Variants in SLC4A4 observed in about 807,000 individuals in gnomAD.
SLC4A4 encodes electrogenic sodium bicarbonate cotransporter 1.
Under a neutral mutation model 111.5 loss-of-function variants are expected in SLC4A4, and 27 were observed. The observed-to-expected ratio is 0.24, with a 90% confidence interval of 0.18 to 0.33. The LOEUF is 0.33. SLC4A4 is among the 10% of genes least tolerant of loss of function. SLC4A4 has a pLI of 1.00. For missense variants in SLC4A4, 909 were observed against 1,315.5 expected (o/e 0.69, Z 4.78); for synonymous variants, 443 against 463.4 (o/e 0.96, Z 0.57).
chr4:71,221,079 A>G (rs1023932646), intron 1 of SLC4A4, among the ~76,000 whole-genome samples: 27 of 152,206 alleles, frequency 1.8e-4, no homozygotes, highest in Non-Finnish European at 4.4e-5. Flanking sequence ...ATAGCATTCC[A>G]TGGTATATTG....
Position 71,370,651 on chromosome 4 carries a change from A to G in SLC4A4, c.730+13464A>G, listed in dbSNP as rs192121064. Among the ~76,000 whole-genome samples the G allele has an allele frequency of 9.8e-5, 15 of 152,346 alleles. No homozygotes were observed. The East Asian group carries it at 2.1e-3, about 22-fold the overall frequency. Reference sequence around the variant, plus strand: ...TGTGAGAATTAAATTAGAAATATCTAAAGTATCTAGTGTAGTGCTCAGCAC... The same window carrying G: ...TGTGAGAATTAAATTAGAAATATCTGAAGTATCTAGTGTAGTGCTCAGCAC... On this transcript the variant is annotated intron_variant, in intron 6 of 25. Coordinates refer to ENST00000264485, the MANE Select transcript of SLC4A4 (RefSeq NM_001098484.3).
At chr4:71,551,434 T>C (rs1735985394) in intron 20 of SLC4A4, among the ~76,000 whole-genome samples, 1 of 151,878 alleles carries the variant, frequency 6.6e-6, no homozygotes, top group Non-Finnish European at 1.5e-5. Context: ...ATGATAGTAG[T>C]AGCTACCATT....
rs1046610522 is a variant in SLC4A4, at chr4:71,147,124, G to T, written c.-2+54332G>T. 3.9e-5 allele frequency among the ~76,000 whole-genome samples: 6 copies of T among 152,056 alleles called. 1 individual carries two copies. The highest frequency in any genetic ancestry group is 2.6e-4 in the Admixed American group (4 of 15,258). On this transcript the variant is annotated intron_variant, in intron 2 of 26. Coordinates refer to the SLC4A4 transcript ENST00000649996. ...ATAAAACAGACTTTAAACCAAGAAA[G>T]ATCAAAAGAGACAAAGAAGGCCATT...
rs148889712 is a variant in SLC4A4, at chr4:71,532,138, T to C, written c.2243T>C (p.Val748Ala). 1.6e-4 allele frequency: 257 copies of C among 1,612,536 alleles called. 1 individual carries two copies. Among genetic ancestry groups the C allele is most frequent in the Admixed American group, 6.7e-5 (4 of 59,914 alleles). The change falls in exon 17 of 26, where the codon GTG (valine) becomes GCG (alanine). Residue 748 changes from valine (V) to alanine (A), a missense_variant. Physicochemically the swap from Val to Ala is moderately conservative, Grantham distance 64. Coordinates refer to ENST00000264485, the MANE Select transcript of SLC4A4 (RefSeq NM_001098484.3). ...TGTGTAATAGATGCCCTAGTAGGCG[T>C]GGACACCCCAAAACTAATTGTGCCA... ...IFCVIDALVGVDTPKLIVPSE... is the reference protein window; with the variant it reads ...IFCVIDALVGADTPKLIVPSE...
intron 2 of SLC4A4, among the ~76,000 whole-genome samples, chr4:71,131,978 A>G (rs756220563): frequency 5.9e-5 from 9 of 152,138 alleles, no homozygotes; most frequent in Non-Finnish European, 1.0e-4. Context: ...CTCTGAATCT[A>G]CTGGCACTGC....
intron 16 of SLC4A4, among the ~76,000 whole-genome samples, chr4:71,516,354 C>T (rs1732397663): frequency 6.6e-6 from 1 of 152,060 alleles, no homozygotes. Flanking sequence ...GCCTTGGCCT[C>T]CCAAAGTGCT....
intron 2 of SLC4A4, among the ~76,000 whole-genome samples, chr4:71,143,056 T>A (rs1236864925): frequency 2.6e-5 from 4 of 152,092 alleles, no homozygotes; most frequent in Non-Finnish European, 4.4e-5. Flanking sequence ...CAGTAACTCG[T>A]CATTTAGCAT....
intron 7 of SLC4A4, among the ~76,000 whole-genome samples, chr4:71,427,925 G>T (rs1438226132): frequency 3.9e-5 from 6 of 152,154 alleles, no homozygotes; most frequent in Non-Finnish European, 5.9e-5. Context: ...CATAGATGAA[G>T]ATGTCAAGTC....
At chr4:71,450,109 C>T (rs1451530272) in intron 9 of SLC4A4, among the ~76,000 whole-genome samples, 1 of 152,072 alleles carries the variant, frequency 6.6e-6, no homozygotes, top group African/African-American at 2.4e-5. Context: ...GTGGTACATA[C>T]CAGTGGGAGC....
chr4:71,570,176 CTG>C lies in SLC4A4; in HGVS notation c.*2428_*2429del, dbSNP rs1737834451. The C allele has an allele frequency of 6.7e-6, 1 of 148,482 alleles. No homozygotes were observed. The highest frequency in any genetic ancestry group is 2.5e-5 in the African/African-American group (1 of 40,566). The allele number at this position is 148,482 out of a possible 1,614,324, so 9.2% of individuals were successfully genotyped here. On this transcript the variant is annotated 3_prime_UTR_variant, in exon 26 of 26. Coordinates refer to ENST00000264485, the MANE Select transcript of SLC4A4 (RefSeq NM_001098484.3). ...TCTTTTCTGATCATGAATCAAGTAT[CTG>C]TGGTTTCATGCCCCTCTCTATACCT...
intron 4 of SLC4A4, among the ~76,000 whole-genome samples, chr4:71,348,617 G>C (rs985860933): frequency 2.6e-4 from 39 of 152,180 alleles, no homozygotes; most frequent in African/African-American, 8.2e-4. Context: ...AGAGGCACAT[G>C]GAGGGGAAAG....
rs1034462688 is a variant in SLC4A4 at position 71,078,699 on chromosome 4, T to G, written c.-64-14031T>G. Reference sequence around the variant, plus strand: ...ATTCTAGCTCCCGTAGAACCCCATCTGAGTGCTAGGAAGGGCTCGGTCGTA... The same window carrying G: ...ATTCTAGCTCCCGTAGAACCCCATCGGAGTGCTAGGAAGGGCTCGGTCGTA... On this transcript the variant is annotated intron_variant, in intron 1 of 26. Transcript: ENST00000649996. 2.0e-5 allele frequency among the ~76,000 whole-genome samples: 3 copies of G among 152,358 alleles called. No individual in the cohort carries two copies. The East Asian group carries it at 5.8e-4, about 29-fold the overall frequency.
chr4:71,493,539 T>C (rs938672404), intron 15 of SLC4A4, among the ~76,000 whole-genome samples: 1 of 151,988 alleles, frequency 6.6e-6, no homozygotes, highest in African/African-American at 2.4e-5. Context: ...TTTTTCCTTA[T>C]TGATGCACAG....
chr4:71,350,079 A>T lies in SLC4A4; in HGVS notation c.550+7A>T, dbSNP rs370569246. ...TCTCTCCCACAGTTGGTGGGTAAGT[A>T]TGCTGTTTGAATTTTATCCTATTTT... On this transcript the variant is annotated splice_region_variant and intron_variant, in intron 5 of 25. Coordinates refer to ENST00000264485, the MANE Select transcript of SLC4A4 (RefSeq NM_001098484.3). 1.2e-6 allele frequency: 2 copies of T among 1,613,968 alleles called. No homozygotes were observed. Among genetic ancestry groups the T allele is most frequent in the South Asian group, 2.2e-5 (2 of 91,076 alleles).
chr4:71,476,776 T>C (rs186807782), intron 14 of SLC4A4, among the ~76,000 whole-genome samples: 1 of 151,738 alleles, frequency 6.6e-6, no homozygotes, highest in Non-Finnish European at 1.5e-5. Flanking sequence ...ACTGAGCAAC[T>C]AAGGAAGCTT....
chr4:71,348,826 C>T (rs1729564447), intron 4 of SLC4A4, among the ~76,000 whole-genome samples: 1 of 152,062 alleles, frequency 6.6e-6, no homozygotes, highest in Admixed American at 6.6e-5. Context: ...CTGATCTCTG[C>T]CCTTTGTTCT....
chr4:71,136,562 T>C (rs1560738147), intron 2 of SLC4A4, among the ~76,000 whole-genome samples: 1 of 152,204 alleles, frequency 6.6e-6, no homozygotes. Context: ...GACTCAGTTA[T>C]GGTTTTATAA....
chr4:71,314,779 C>G (rs1726542679), intron 3 of SLC4A4, among the ~76,000 whole-genome samples: 1 of 150,592 alleles, frequency 6.6e-6, no homozygotes, highest in African/African-American at 2.4e-5. Flanking sequence ...GAGTGGGGTG[C>G]AAGGGGAGGG....
chr4:71,406,195 T>C lies in SLC4A4; in HGVS notation c.807+8542T>C, dbSNP rs182657442. On this transcript the variant is annotated intron_variant, in intron 7 of 25. Transcript: ENST00000264485. ...CTTCCCCCAACCCCCAAGAGAATTT[T>C]AAATGCATATATGCCAGACTGTAAA... Among the ~76,000 whole-genome samples, 595 of 152,284 alleles carry C rather than the reference T, an allele frequency of 3.9e-3. 3 individuals are homozygous for C. Among genetic ancestry groups the C allele is most frequent in the African/African-American group, 0.014 (565 of 41,556 alleles).
Sources: allele counts gnomAD v4.1 joint callset (sites outside exome capture counted in the v4.1 genomes callset), GRCh38; gene constraint gnomAD v4.1.1; transcripts MANE v1.5; gene names NCBI Gene and HGNC (gene_info 2026-07-23, HGNC 2026-07-21).